EPHB1: variants seen among roughly 807,000 people sequenced by gnomAD.
The protein encoded by EPHB1 is EPH receptor B1.
In EPHB1, 30 loss-of-function variants were observed where a neutral mutation model predicts 94.4. The ratio of observed to expected loss-of-function variants is 0.32; its 90% CI spans 0.24 to 0.43. The LOEUF (loss-of-function observed/expected upper bound fraction) is 0.43, where lower values mean the gene tolerates loss of function less well. EPHB1 is among the 20% of genes least tolerant of loss of function. The pLI is 1.00. For synonymous variants in EPHB1, 522 were observed against 489.1 expected, an observed-to-expected ratio of 1.07 and a Z score of -0.89; for missense variants, 1,055 against 1,308.3, an observed-to-expected ratio of 0.81 and a Z score of 2.99.
chr3:134,976,784 A>G (rs964182286), intron 3 of EPHB1, among the ~76,000 whole-genome samples: 2 of 152,186 alleles, frequency 1.3e-5, no homozygotes, highest in African/African-American at 2.4e-5. Flanking sequence ...AGGAGTTTGT[A>G]TCAAAAGCCC....
chr3:134,995,062 G>A (rs113611503), intron 3 of EPHB1, among the ~76,000 whole-genome samples: 17 of 151,694 alleles, frequency 1.1e-4, no homozygotes, highest in African/African-American at 3.4e-4. Context: ...TATGACTACC[G>A]CCATAGTCAA....
At chr3:135,124,629 A>AGATTTT (rs1193656247) in intron 4 of EPHB1, among the ~76,000 whole-genome samples, 1 of 151,802 alleles carries the variant, frequency 6.6e-6, no homozygotes, top group Non-Finnish European at 1.5e-5. Context: ...AGGCTTAGAT[A>AGATTTT]GGCTATGCCA....
chr3:135,013,215 G>A (rs1935678813), intron 3 of EPHB1, among the ~76,000 whole-genome samples: 1 of 152,184 alleles, frequency 6.6e-6, no homozygotes. Context: ...TGTGAAAAAG[G>A]ACAACAGTCC....
chr3:134,848,276 C>G (rs2036915232), intron 1 of EPHB1, among the ~76,000 whole-genome samples: 1 of 152,186 alleles, frequency 6.6e-6, no homozygotes, highest in Non-Finnish European at 1.5e-5. Flanking sequence ...TCTGGGACGT[C>G]TTCCTGGTGG....
chr3:134,903,189 G>C (rs1039784018), intron 1 of EPHB1, among the ~76,000 whole-genome samples: 4 of 152,230 alleles, frequency 2.6e-5, no homozygotes, highest in African/African-American at 9.6e-5. Flanking sequence ...TCCACTTGGA[G>C]CTCTGGGTGG....
At position 135,090,136 on chromosome 3, in the gene EPHB1, C is replaced by T. The variant is rs550085410; in HGVS notation, c.806-16312C>T. ...GTGACTATCCAACCCTTCGCTGCCT[C>T]TGTTGCAGTGGGAGGCCTCACCCAG... On this transcript the variant is annotated intron_variant, in intron 3 of 15. Transcript: ENST00000398015. 3.9e-5 allele frequency among the ~76,000 whole-genome samples: 6 copies of T among 152,354 alleles called. No homozygotes were observed. The South Asian group carries it at 1.0e-3, about 26-fold the overall frequency.
chr3:134,952,681 G>A (rs4955522), intron 3 of EPHB1, among the ~76,000 whole-genome samples: 75,696 of 151,998 alleles, frequency 0.5, 19,745 homozygotes, highest in African/African-American at 0.64. Context: ...TGTATCATGT[G>A]TTGTATTAAC....
intron 3 of EPHB1, among the ~76,000 whole-genome samples, chr3:135,018,632 A>G (rs2107753006): frequency 6.6e-6 from 1 of 152,280 alleles, no homozygotes; most frequent in South Asian, 2.1e-4. Context: ...ACCTTTGAAC[A>G]TATTTAGCAG....
intron 15 of EPHB1, among the ~76,000 whole-genome samples, chr3:135,254,583 A>G (rs1933283913): frequency 6.6e-6 from 1 of 152,078 alleles, no homozygotes; most frequent in African/African-American, 2.4e-5. Context: ...CATGGTGAAT[A>G]AGCTTTTTGA....
chr3:134,875,767 A>G (rs1326606911), intron 1 of EPHB1, among the ~76,000 whole-genome samples: 1 of 152,112 alleles, frequency 6.6e-6, no homozygotes, highest in South Asian at 2.1e-4. Context: ...TTTTCCTTCC[A>G]AGTCTTTAAA....
intron 2 of EPHB1, among the ~76,000 whole-genome samples, chr3:134,928,003 C>T (rs889136727): frequency 6.6e-6 from 1 of 152,188 alleles, no homozygotes; most frequent in Non-Finnish European, 1.5e-5. Flanking sequence ...AGGACAGTAC[C>T]CTCCAATTCT....
intron 2 of EPHB1, among the ~76,000 whole-genome samples, chr3:134,935,234 A>C (rs2038978935): frequency 6.6e-6 from 1 of 152,184 alleles, no homozygotes; most frequent in Non-Finnish European, 1.5e-5. Flanking sequence ...GGTGAAGGAA[A>C]GAAACATATT....
intron 1 of EPHB1, among the ~76,000 whole-genome samples, chr3:134,893,405 A>G (rs2038025902): frequency 6.6e-6 from 1 of 152,122 alleles, no homozygotes; most frequent in Non-Finnish European, 1.5e-5. Context: ...ATAAATCCAA[A>G]CAAAGAACAA....
chr3:134,934,236 G>A (rs1229601005), intron 2 of EPHB1, among the ~76,000 whole-genome samples: 5 of 152,276 alleles, frequency 3.3e-5, no homozygotes, highest in Admixed American at 6.5e-5. Context: ...CAAAACACCC[G>A]AGGCACTTAA....
At chr3:134,925,793 C>CT in intron 1 of EPHB1, 23 bp from the exon 2 acceptor site, 5 of 1,556,806 alleles carry the variant, frequency 3.2e-6, no homozygotes, top group Non-Finnish European at 3.5e-6. Context: ...TTTGTTTATT[C>CT]GTTTTTTCTT....
chr3:135,068,397 A>T (rs764699611), intron 3 of EPHB1, among the ~76,000 whole-genome samples: 1 of 151,928 alleles, frequency 6.6e-6, no homozygotes. Context: ...TGTGGTTTCA[A>T]TTTGCATTTC....
intron 12 of EPHB1, among the ~76,000 whole-genome samples, chr3:135,233,345 A>G (rs1202952801): frequency 6.6e-6 from 1 of 152,318 alleles, no homozygotes; most frequent in East Asian, 1.9e-4. Context: ...CCAAAATCCA[A>G]TGGGCAGTTA....
chr3:134,957,342 A>G (rs927391976), intron 3 of EPHB1, among the ~76,000 whole-genome samples: 1 of 152,188 alleles, frequency 6.6e-6, no homozygotes. Flanking sequence ...ACCCCAGGGT[A>G]GGTCACTGAA....
intron 2 of EPHB1, among the ~76,000 whole-genome samples, chr3:134,934,338 T>C (rs36165): frequency 0.55 from 83,569 of 152,102 alleles, 24,897 homozygotes; most frequent in African/African-American, 0.78. Context: ...TTGAGGGCCT[T>C]GGGTGAGAGC....
Sources: gnomAD v4.1 joint callset for allele counts (sites outside exome capture counted in the v4.1 genomes callset) on GRCh38, gnomAD v4.1.1 for gene constraint, MANE v1.5 for transcripts, NCBI Gene and HGNC (gene_info 2026-07-23, HGNC 2026-07-21) for gene names.